Variants in PRDM5 observed in about 807,000 individuals in gnomAD.
PRDM5 encodes PR domain zinc finger protein 5.
Under a neutral mutation model 81.2 loss-of-function variants are expected in PRDM5, and 56 were observed. That is an observed-to-expected ratio of 0.69 (90% confidence interval 0.56 to 0.86). The LOEUF (loss-of-function observed/expected upper bound fraction) is 0.86. PRDM5 is among the 40% of genes least tolerant of loss of function. The probability of loss-of-function intolerance (pLI) is 0.00; values close to 1 mark genes in which losing one functional copy is unlikely to be tolerated. For synonymous variants in PRDM5, 267 were observed against 256.4 expected (o/e 1.04, Z -0.39); for missense variants, 697 against 770.1 (o/e 0.91, Z 1.12).
intron 8 of PRDM5, among the ~76,000 whole-genome samples, chr4:120,804,295 G>C (rs1481348281): frequency 7.8e-6 from 1 of 128,848 alleles, no homozygotes; most frequent in African/African-American, 3.1e-5. Flanking sequence ...AGATCAATGA[G>C]ACAGAAGTTA....
At chr4:120,747,601 C>T (rs542350791) in intron 14 of PRDM5, among the ~76,000 whole-genome samples, 2 of 152,292 alleles carry the variant, frequency 1.3e-5, no homozygotes, top group South Asian at 2.1e-4. Flanking sequence ...CTCACAGTCT[C>T]ACTGCATGGT....
At chr4:120,778,261 CAGGGCCTGT>C (rs1748472772) in intron 12 of PRDM5, among the ~76,000 whole-genome samples, 2 of 152,058 alleles carry the variant, frequency 1.3e-5, no homozygotes, top group Admixed American at 1.3e-4. Flanking sequence ...ACAGAGCTTC[CAGGGCCTGT>C]GTTTGCCTTT....
At chr4:120,867,226 C>T (rs1761280759) in intron 2 of PRDM5, among the ~76,000 whole-genome samples, 1 of 151,980 alleles carries the variant, frequency 6.6e-6, no homozygotes, top group Non-Finnish European at 1.5e-5. Flanking sequence ...AAGCAGAAAA[C>T]CTACCTGGAC....
intron 8 of PRDM5, among the ~76,000 whole-genome samples, chr4:120,803,541 G>A (rs1016102455): frequency 1.3e-5 from 2 of 152,140 alleles, no homozygotes; most frequent in East Asian, 3.8e-4. Flanking sequence ...AAGAGAGTGA[G>A]GGCCAATATC....
At chr4:120,741,767 C>T (rs1380303389) in intron 14 of PRDM5, among the ~76,000 whole-genome samples, 1 of 152,116 alleles carries the variant, frequency 6.6e-6, no homozygotes, top group African/African-American at 2.4e-5. Flanking sequence ...GCACCTGGCT[C>T]AGAGGGTCCT....
At chr4:120,907,249 G>A (rs1002627115) in intron 2 of PRDM5, among the ~76,000 whole-genome samples, 10 of 150,784 alleles carry the variant, frequency 6.6e-5, no homozygotes, top group Admixed American at 4.0e-4. Flanking sequence ...CAGGAGAATC[G>A]CTTGAACCTG....
intron 2 of PRDM5, among the ~76,000 whole-genome samples, chr4:120,870,971 T>G (rs1435151592): frequency 6.6e-6 from 1 of 152,158 alleles, no homozygotes; most frequent in Non-Finnish European, 1.5e-5. Flanking sequence ...GTGCACAGAA[T>G]ATAGATTCAT....
rs143929729 is a variant in PRDM5, at chr4:120,810,159, T to C, written c.945+1211A>G. ...CCCCTGGTCCTTGGAAAACTTGTCT[T>C]CCAGGAAAACGGTCCCTAGTACCAA... On this transcript the variant is annotated intron_variant, in intron 8 of 15. Transcript: ENST00000264808. Among the ~76,000 whole-genome samples the C allele has an allele frequency of 2.9e-3, 435 of 152,296 alleles. 3 individuals are homozygous for C. The highest frequency in any genetic ancestry group is 0.01 in the African/African-American group (416 of 41,558).
At chr4:120,893,060 G>A (rs1394178500) in intron 2 of PRDM5, among the ~76,000 whole-genome samples, 4 of 152,166 alleles carry the variant, frequency 2.6e-5, no homozygotes, top group African/African-American at 4.8e-5. Context: ...TCCAGGACCC[G>A]AGGTTTATTA....
chr4:120,716,877 C>T (rs1560955574), intron 14 of PRDM5, among the ~76,000 whole-genome samples: 1 of 152,084 alleles, frequency 6.6e-6, no homozygotes, highest in Non-Finnish European at 1.5e-5. Flanking sequence ...CATTTTCTTT[C>T]TCAGAGAGTA....
At chr4:120,767,462 C>A (rs568818605) in intron 13 of PRDM5, among the ~76,000 whole-genome samples, 5 of 151,954 alleles carry the variant, frequency 3.3e-5, no homozygotes, top group Admixed American at 6.6e-5. Context: ...ATTTGATTTC[C>A]GAAATTGTTG....
chr4:120,898,777 T>C (rs1406666083), intron 2 of PRDM5, among the ~76,000 whole-genome samples: 1 of 152,202 alleles, frequency 6.6e-6, no homozygotes, highest in Non-Finnish European at 1.5e-5. Context: ...CCTTTCACTA[T>C]ATTATTTATT....
intron 7 of PRDM5, among the ~76,000 whole-genome samples, chr4:120,815,535 G>T (rs1480869525): frequency 1.3e-5 from 2 of 152,200 alleles, no homozygotes; most frequent in East Asian, 1.9e-4. Flanking sequence ...AATACTTTTT[G>T]GACAATGAAC....
rs963019247 is a variant in PRDM5 at position 120,746,283 on chromosome 4, C to T, written c.1623+8270G>A. 1.3e-3 allele frequency among the ~76,000 whole-genome samples: 184 copies of T among 145,084 alleles called. 1 individual carries two copies. Among genetic ancestry groups the T allele is most frequent in the Non-Finnish European group, 2.2e-3 (145 of 66,428 alleles). On this transcript the variant is annotated intron_variant, in intron 14 of 15. Transcript: ENST00000264808. ...CTTACACCTTATACAAAAATTAATT[C>T]CAGATGGATTAAAGACTTAAATGTT...
chr4:120,922,659 C>T lies in PRDM5; in HGVS notation c.-51G>A, dbSNP rs1725123794. On this transcript the variant is annotated 5_prime_UTR_variant, in exon 1 of 16. Transcript: ENST00000264808. ...TCTCTCAACACCGGCGCTTAGCGCC[C>T]GGCAGGCGGCACATCGAAATTTGGG... 6.4e-7 allele frequency: 1 copy of T among 1,561,658 alleles called. No homozygotes were observed.
intron 13 of PRDM5, among the ~76,000 whole-genome samples, chr4:120,770,183 T>C (rs1220658662): frequency 1.3e-5 from 2 of 151,874 alleles, no homozygotes; most frequent in Non-Finnish European, 2.9e-5. Context: ...CAGGCACCCA[T>C]CACCAAGGCT....
chr4:120,834,172 C>T (rs988830708), intron 3 of PRDM5, among the ~76,000 whole-genome samples: 6 of 151,968 alleles, frequency 3.9e-5, no homozygotes, highest in Admixed American at 2.0e-4. Context: ...TAGTTGAAAG[C>T]AGCCTATAAG....
chr4:120,772,891 G>T (rs925058188), intron 13 of PRDM5, among the ~76,000 whole-genome samples: 1 of 152,316 alleles, frequency 6.6e-6, no homozygotes, highest in Non-Finnish European at 1.5e-5. Flanking sequence ...GTAATGGTGA[G>T]TAAAACTGGT....
At chr4:120,771,981 A>G (rs908606758) in intron 13 of PRDM5, among the ~76,000 whole-genome samples, 1 of 152,200 alleles carries the variant, frequency 6.6e-6, no homozygotes, top group Non-Finnish European at 1.5e-5. Context: ...AAAATGTACA[A>G]TGTAAAATGG....
Sources: allele counts gnomAD v4.1 joint callset (sites outside exome capture counted in the v4.1 genomes callset), GRCh38; gene constraint gnomAD v4.1.1; transcripts MANE v1.5; gene names NCBI Gene and HGNC (gene_info 2026-07-23, HGNC 2026-07-21).